FILIP1L: variants seen among roughly 807,000 people sequenced by gnomAD.
FILIP1L encodes the protein filamin A interacting protein 1 like.
Under a neutral mutation model 96.6 loss-of-function variants are expected in FILIP1L, and 55 were observed. The ratio of observed to expected loss-of-function variants is 0.57; its 90% confidence interval spans 0.46 to 0.71. The LOEUF (loss-of-function observed/expected upper bound fraction) is 0.71. Among genes scored for constraint, FILIP1L ranks in the 30% least tolerant of loss-of-function variants. The probability of loss-of-function intolerance (pLI) is 0.00; values close to 1 mark genes in which losing one functional copy is unlikely to be tolerated. For missense variants in FILIP1L, 1,304 were observed against 1,321.2 expected (o/e 0.99, Z 0.20); for synonymous variants, 467 against 473.9 (o/e 0.99, Z 0.19).
chr3:100,010,700 T>C (rs1187499071), intron 1 of FILIP1L, among the ~76,000 whole-genome samples: 1 of 147,772 alleles, frequency 6.8e-6, no homozygotes, highest in African/African-American at 2.4e-5. Context: ...CTGCAACTTC[T>C]ACCTCCCGGG....
chr3:99,904,246 A>C (rs1197762284), intron 4 of FILIP1L, among the ~76,000 whole-genome samples: 2 of 152,242 alleles, frequency 1.3e-5, no homozygotes, highest in Non-Finnish European at 2.9e-5. Flanking sequence ...TTTCACCATT[A>C]GAATGTGCTT....
At chr3:99,880,710 A>G (rs1705697375) in intron 4 of FILIP1L, among the ~76,000 whole-genome samples, 2 of 152,096 alleles carry the variant, frequency 1.3e-5, no homozygotes, top group Admixed American at 1.3e-4. Flanking sequence ...TTTTAAAATT[A>G]ATAGGCACCC....
At chr3:99,863,389 C>T (rs1288829883) in intron 4 of FILIP1L, among the ~76,000 whole-genome samples, 1 of 152,122 alleles carries the variant, frequency 6.6e-6, no homozygotes, top group Non-Finnish European at 1.5e-5. Context: ...GGGTTGGGGA[C>T]TCCTGTACGT....
At chr3:99,901,880 C>T (rs569325360) in intron 4 of FILIP1L, among the ~76,000 whole-genome samples, 2 of 152,050 alleles carry the variant, frequency 1.3e-5, no homozygotes, top group African/African-American at 2.4e-5. Flanking sequence ...GTGGTACCAC[C>T]TGCCTTGTCC....
intron 1 of FILIP1L, among the ~76,000 whole-genome samples, chr3:99,942,201 CAAAA>C (rs968127559): frequency 3.4e-5 from 4 of 119,240 alleles, no homozygotes; most frequent in African/African-American, 1.3e-4. Context: ...GACTCCATCT[CAAAA>C]AAAAAAAAAG....
intron 4 of FILIP1L, among the ~76,000 whole-genome samples, chr3:99,907,334 A>G (rs1576563791): frequency 6.6e-6 from 1 of 151,452 alleles, no homozygotes; most frequent in Non-Finnish European, 1.5e-5. Flanking sequence ...TGCAAGCTCC[A>G]CCTCCCGGGT....
intron 1 of FILIP1L, among the ~76,000 whole-genome samples, chr3:100,113,294 G>A (rs1559761722): frequency 6.6e-6 from 1 of 152,212 alleles, no homozygotes; most frequent in Non-Finnish European, 1.5e-5. Flanking sequence ...GAGGAGTACA[G>A]TGAGCAGAAT....
At chr3:99,951,827 C>T (rs1576596299) in intron 1 of FILIP1L, among the ~76,000 whole-genome samples, 5 of 152,142 alleles carry the variant, frequency 3.3e-5, no homozygotes, top group Admixed American at 3.3e-4. Context: ...TCTATCTTTC[C>T]AGAAAGCAGC....
intron 5 of FILIP1L, among the ~76,000 whole-genome samples, chr3:99,838,949 C>A (rs902431657): frequency 3.3e-5 from 5 of 152,106 alleles, no homozygotes; most frequent in African/African-American, 9.7e-5. Context: ...AGGTCTTTGC[C>A]CTTTAAGCCT....
chr3:99,931,310 A>G (rs1707475648), intron 1 of FILIP1L, among the ~76,000 whole-genome samples: 1 of 152,156 alleles, frequency 6.6e-6, no homozygotes, highest in Non-Finnish European at 1.5e-5. Flanking sequence ...TTCATCCCCC[A>G]AGCATTCCAC....
chr3:99,833,689 A>G (rs889379600), intron 5 of FILIP1L, among the ~76,000 whole-genome samples: 2 of 152,200 alleles, frequency 1.3e-5, no homozygotes, highest in Non-Finnish European at 2.9e-5. Context: ...TTTTCTCAGG[A>G]GCGGTCCTGA....
At chr3:100,042,457 C>T (rs1227183861) in intron 1 of FILIP1L, among the ~76,000 whole-genome samples, 5 of 152,208 alleles carry the variant, frequency 3.3e-5, no homozygotes, top group East Asian at 1.9e-4. Context: ...CTGTGATTCA[C>T]GGTGCTACAA....
At chr3:99,891,654 C>T (rs1361365442) in intron 4 of FILIP1L, among the ~76,000 whole-genome samples, 9 of 152,028 alleles carry the variant, frequency 5.9e-5, no homozygotes, top group Non-Finnish European at 5.9e-5. Context: ...GACATTAGAA[C>T]AATAATAATC....
chr3:100,037,461 C>T (rs1194095916), intron 1 of FILIP1L, among the ~76,000 whole-genome samples: 1 of 152,088 alleles, frequency 6.6e-6, no homozygotes, highest in Non-Finnish European at 1.5e-5. Context: ...GACACACACA[C>T]ACACACGCAC....
At chr3:99,887,960 G>A (rs1017431605) in intron 4 of FILIP1L, among the ~76,000 whole-genome samples, 3 of 151,720 alleles carry the variant, frequency 2.0e-5, no homozygotes, top group African/African-American at 7.3e-5. Flanking sequence ...GGCTCATCTT[G>A]AACTCCTGGG....
chr3:100,079,964 A>G (rs1174681804), intron 1 of FILIP1L, among the ~76,000 whole-genome samples: 1 of 152,182 alleles, frequency 6.6e-6, no homozygotes, highest in Non-Finnish European at 1.5e-5. Context: ...TTCATGGCAT[A>G]TTGAGAAACA....
In FILIP1L at chr3:99,829,143, G is replaced by T. The variant is rs1030863884; in HGVS notation, c.*1271C>A. Among the ~76,000 whole-genome samples the T allele has an allele frequency of 2.0e-5, 3 of 152,180 alleles. No individual in the cohort carries two copies. Among genetic ancestry groups the T allele is most frequent in the African/African-American group, 4.8e-5 (2 of 41,452 alleles). ...CAACCCAGGGCAGCTGGCTAAAGCAGTCCTTAACCATGAGGATTTCTTCCA... is the reference window on the plus strand; with the variant it reads ...CAACCCAGGGCAGCTGGCTAAAGCATTCCTTAACCATGAGGATTTCTTCCA... On this transcript the variant is annotated 3_prime_UTR_variant, in exon 6 of 6. Transcript: ENST00000477258.
chr3:100,102,041 T>C (rs2066317000), intron 1 of FILIP1L, among the ~76,000 whole-genome samples: 1 of 152,208 alleles, frequency 6.6e-6, no homozygotes, highest in South Asian at 2.1e-4. Context: ...TTGGCTTGGT[T>C]CCAAGTCTTT....
chr3:99,841,488 C>T (rs910187994), intron 5 of FILIP1L, among the ~76,000 whole-genome samples: 2 of 152,150 alleles, frequency 1.3e-5, no homozygotes, highest in Admixed American at 1.3e-4. Context: ...TTGTAACCAC[C>T]ACAGGCATGA....
Sources: allele counts gnomAD v4.1 joint callset (sites outside exome capture counted in the v4.1 genomes callset), GRCh38; gene constraint gnomAD v4.1.1; transcripts MANE v1.5; gene names NCBI Gene and HGNC (gene_info 2026-07-23, HGNC 2026-07-21).